ZSWIM9: variants seen among roughly 807,000 people sequenced by gnomAD.
ZSWIM9 encodes zinc finger SWIM-type containing 9.
A neutral mutation model predicts 25.0 loss-of-function variants in ZSWIM9; 11 were observed. The ratio of observed to expected loss-of-function variants is 0.44; its 90% CI spans 0.28 to 0.73. The LOEUF (loss-of-function observed/expected upper bound fraction) is 0.73. ZSWIM9 is among the 30% of genes least tolerant of loss of function. The pLI is 0.16. For synonymous variants in ZSWIM9, 562 were observed against 582.1 expected (o/e 0.97, Z 0.50); for missense variants, 1,070 against 1,296.5 (o/e 0.83, Z 2.68).
chr19:48,196,015 G>A lies in ZSWIM9; in HGVS notation c.1951G>A (p.Glu651Lys). The change falls in exon 4 of 4, where the codon GAA becomes AAA. Residue 651 changes from glutamate (E) to lysine (K), a missense_variant. By Grantham distance (56) the Glu-to-Lys change is moderately conservative. Coordinates refer to ENST00000614654, the MANE Select transcript of ZSWIM9 (RefSeq NM_199341.4). ...TGCAGAATGGAAGGGGCCACAGTCA[G>A]AAGTAGAGAAGGGGAGGGGGCTGGA... ...RTAEWKGPQS[E>K]VEKGRGLEVR... 1 of 1,274,758 alleles carries A rather than the reference G, an allele frequency of 7.8e-7. No individual in the cohort carries two copies. Among genetic ancestry groups the A allele is most frequent in the Non-Finnish European group, 9.9e-7 (1 of 1,012,858 alleles). The allele number at this position is 1,274,758 out of a possible 1,614,324, so 79.0% of individuals were successfully genotyped here.
At chr19:48,171,273 G>A in intron 1 of ZSWIM9, 1 of 985,366 alleles carries the variant, frequency 1.0e-6, no homozygotes, top group Non-Finnish European at 1.2e-6. Flanking sequence ...CCGGGTGAGG[G>A]GTCCGTGGCC....
chr19:48,192,498 T>TATATATATATATATACACACAC (rs369454865), intron 3 of ZSWIM9, among the ~76,000 whole-genome samples: 2 of 20,764 alleles, frequency 9.6e-5, no homozygotes, highest in Non-Finnish European at 1.0e-4. Context: ...TATATATATA[T>TATATATATATATATACACACAC]ACACACACAC....
chr19:48,182,864 T>G lies in ZSWIM9; in HGVS notation c.588+97T>G. 1.2e-6 allele frequency: 1 copy of G among 835,490 alleles called. No homozygotes were observed. Among genetic ancestry groups the G allele is most frequent in the South Asian group, 1.8e-5 (1 of 56,442 alleles). The allele number at this position is 835,490 out of a possible 1,614,324, so 51.8% of individuals were successfully genotyped here. ...ATGCCTTCATCCGCCCTCTCATCCC[T>G]TCACTCCTTTCCTCCATTCATCCGT... On this transcript the variant is annotated intron_variant, in intron 3 of 3. Coordinates refer to ENST00000614654, the MANE Select transcript of ZSWIM9 (RefSeq NM_199341.4). The surrounding 1 kb of genome is among the most constrained non-coding windows in gnomAD (Gnocchi z 4.6).
intron 2 of ZSWIM9, among the ~76,000 whole-genome samples, chr19:48,175,303 T>C (rs983146550): frequency 6.6e-6 from 1 of 151,822 alleles, no homozygotes; most frequent in African/African-American, 2.4e-5. Context: ...AGATGGTCTC[T>C]GAATGGGGAG....
rs2037181818 is a variant in ZSWIM9 at position 48,197,413 on chromosome 19, A to G, written c.*586A>G. The G allele has an allele frequency of 1.6e-6, 1 of 629,384 alleles. No individual in the cohort carries two copies. Among genetic ancestry groups the G allele is most frequent in the Non-Finnish European group, 2.8e-6 (1 of 352,528 alleles). The allele number at this position is 629,384 out of a possible 1,614,324, so 39.0% of individuals were successfully genotyped here. A position where few individuals can be genotyped will look rare whatever the true frequency, so the allele number is the denominator to read the frequency against. On this transcript the variant is annotated 3_prime_UTR_variant, in exon 4 of 4. Transcript: ENST00000614654. ...GGAGGGGGAAGAAAAATCGGAGATG[A>G]GACAAAAGAAATGTGTGGGAGACGG... is the stretch of plus-strand genomic sequence containing the variant.
Position 48,196,935 on chromosome 19 carries a change from C to T in ZSWIM9, c.*108C>T. The T allele has an allele frequency of 8.7e-7, 1 of 1,145,602 alleles. No individual in the cohort carries two copies. The highest frequency in any genetic ancestry group is 1.1e-6 in the Non-Finnish European group (1 of 896,028). 71.0% of individuals were successfully genotyped at this position (1,145,602 alleles called of 1,614,324 possible). On this transcript the variant is annotated 3_prime_UTR_variant, in exon 4 of 4. Transcript: ENST00000614654. ...AGGAGACCGTTGCAGTCCCCCTGGC[C>T]ACCTTCTGGGTCATCCAGGGACCTC...
rs1411196591 is a variant in ZSWIM9, at chr19:48,195,417, G to A, written c.1353G>A (p.Gly451=). The A allele has an allele frequency of 5.5e-6, 8 of 1,455,628 alleles. No individual in the cohort carries two copies. The highest frequency in any genetic ancestry group is 6.3e-6 in the Non-Finnish European group (7 of 1,113,246). The allele number at this position is 1,455,628 out of a possible 1,614,324, so 90.2% of individuals were successfully genotyped here. The part of the protein sequence containing the change: ...EAVPEGPDGG[G]PWLEDEPGRG... ...TGCCCGAGGGGCCCGATGGCGGGGGGCCTTGGCTGGAGGATGAGCCAGGGA... is the reference window on the plus strand; with the variant it reads ...TGCCCGAGGGGCCCGATGGCGGGGGACCTTGGCTGGAGGATGAGCCAGGGA... The change falls in exon 4 of 4, where the codon GGG becomes GGA. Residue 451 remains glycine, a synonymous_variant. Coordinates refer to ENST00000614654, the MANE Select transcript of ZSWIM9 (RefSeq NM_199341.4). The surrounding 1 kb of genome is among the most constrained non-coding windows in gnomAD (Gnocchi z 5.8).
In ZSWIM9 at chr19:48,182,634, A is replaced by G. The variant is rs772949193; in HGVS notation, c.455A>G (p.Asn152Ser). The change falls in exon 3 of 4, where the codon AAC (asparagine) becomes AGC (serine). Residue 152 changes from asparagine to serine, a missense_variant. Around this residue, in one of 4 missense-constraint regions of ZSWIM9, gnomAD observed 265 missense variants for 339.0 expected, o/e 0.78. Coordinates refer to ENST00000614654, the MANE Select transcript of ZSWIM9 (RefSeq NM_199341.4). The surrounding 1 kb of genome is among the most constrained non-coding windows in gnomAD (Gnocchi z 4.6). Reference protein sequence around the residue: ...ANACLPVRTTNKISKQFVAPA... With the variant: ...ANACLPVRTTSKISKQFVAPA... ...GCCTGCCTGCCGGTGCGCACCACCA[A>G]CAAGATCTCCAAGCAGTTCGTGGCC... 9 of 1,535,610 alleles carry G rather than the reference A, an allele frequency of 5.9e-6. No individual in the cohort carries two copies. Among genetic ancestry groups the G allele is most frequent in the African/African-American group, 1.4e-5 (1 of 72,996 alleles).
intron 3 of ZSWIM9, among the ~76,000 whole-genome samples, chr19:48,186,378 A>C (rs1300354517): frequency 1.3e-5 from 2 of 151,806 alleles, no homozygotes; most frequent in African/African-American, 2.4e-5. Context: ...TTGGCTCACT[A>C]TAACCTCCAC....
chr19:48,172,072 C>T lies in ZSWIM9; in HGVS notation c.270C>T (p.Ala90=), dbSNP rs935178436. The T allele has an allele frequency of 7.9e-7, 1 of 1,259,998 alleles. No individual in the cohort carries two copies. The highest frequency in any genetic ancestry group is 1.0e-6 in the Non-Finnish European group (1 of 971,032). The allele number at this position is 1,259,998 out of a possible 1,614,324, so 78.1% of individuals were successfully genotyped here. A position where few individuals can be genotyped will look rare whatever the true frequency, so the allele number is the denominator to read the frequency against. ...CKDVRAPSRP[A]VGPPQPGCPA... ...ACGTGCGTGCGCCCAGCCGGCCCGC[C>T]GTGGGGTGCGTGAACCTGAGCCGCT... Residue 90 remains alanine, a synonymous_variant, in exon 2 of 4, where the codon GCC becomes GCT. Coordinates refer to ENST00000614654, the MANE Select transcript of ZSWIM9 (RefSeq NM_199341.4).
At position 48,196,956 on chromosome 19, in the gene ZSWIM9, ACCT is replaced by A. The variant is rs2037174728; in HGVS notation, c.*134_*136del. On this transcript the variant is annotated 3_prime_UTR_variant, in exon 4 of 4. Transcript: ENST00000614654. ...TGGCCACCTTCTGGGTCATCCAGGG[ACCT>A]CCTCATGGCAGTTTGCCTCTCTGGG... The A allele has an allele frequency of 1.0e-6, 1 of 975,206 alleles. No individual in the cohort carries two copies. The highest frequency in any genetic ancestry group is 3.6e-5 in the South Asian group (1 of 27,894). 60.4% of individuals were successfully genotyped at this position (975,206 alleles called of 1,614,324 possible). A position where few individuals can be genotyped will look rare whatever the true frequency, so the allele number is the denominator to read the frequency against.
At position 48,196,415 on chromosome 19, in the gene ZSWIM9, C is replaced by G; in HGVS notation, c.2351C>G (p.Ala784Gly). Residue 784 changes from alanine to glycine, a missense_variant, in exon 4 of 4, where the codon GCG (alanine) becomes GGG (glycine). Ala to Gly is a moderately conservative substitution (Grantham distance 60). Around this residue, in one of 4 missense-constraint regions of ZSWIM9, gnomAD observed 583 missense variants for 624.7 expected, o/e 0.93. Coordinates refer to ENST00000614654, the MANE Select transcript of ZSWIM9 (RefSeq NM_199341.4). Reference sequence around the variant, plus strand: ...GAAGGCAGCCCAGAATGGGCAGCGGCGAGGAGTGAACACCTGGCTGCAGGT... The same window carrying G: ...GAAGGCAGCCCAGAATGGGCAGCGGGGAGGAGTGAACACCTGGCTGCAGGT... ...VLEGSPEWAA[A>G]RSEHLAAGDG... is the part of the protein sequence containing the mutation. 8.1e-7 allele frequency: 1 copy of G among 1,232,346 alleles called. No homozygotes were observed. The highest frequency in any genetic ancestry group is 1.6e-5 in the African/African-American group (1 of 64,460). 76.3% of individuals were successfully genotyped at this position (1,232,346 alleles called of 1,614,324 possible). A position where few individuals can be genotyped will look rare whatever the true frequency, so the allele number is the denominator to read the frequency against.
chr19:48,194,234 G>A lies in ZSWIM9; in HGVS notation c.589-419G>A, dbSNP rs1438873474. ...GAGTTTCAGACTCAGTGGGTCTGAGGTGGCCCCGAGAAGGTGCATTTCTGT... is the reference window on the plus strand; with the variant it reads ...GAGTTTCAGACTCAGTGGGTCTGAGATGGCCCCGAGAAGGTGCATTTCTGT... On this transcript the variant is annotated intron_variant, in intron 3 of 3. Transcript: ENST00000614654. The surrounding 1 kb of genome is among the most constrained non-coding windows in gnomAD (Gnocchi z 6.0). Among the ~76,000 whole-genome samples, 5 of 152,124 alleles carry A rather than the reference G, an allele frequency of 3.3e-5. No individual in the cohort carries two copies. Among genetic ancestry groups the A allele is most frequent in the African/African-American group, 1.2e-4 (5 of 41,414 alleles).
At chr19:48,186,144 G>A (rs2037008083) in intron 3 of ZSWIM9, among the ~76,000 whole-genome samples, 1 of 152,174 alleles carries the variant, frequency 6.6e-6, no homozygotes, top group South Asian at 2.1e-4. Flanking sequence ...TGTAGCTAGT[G>A]GCTTCTGGAT....
intron 3 of ZSWIM9, among the ~76,000 whole-genome samples, chr19:48,187,969 T>C (rs147142653): frequency 0.011 from 1,603 of 148,316 alleles, 33 homozygotes; most frequent in African/African-American, 0.04. Flanking sequence ...GATAGATAGA[T>C]AGATAGATAG....
Position 48,197,176 on chromosome 19 carries a change from G to A in ZSWIM9, c.*349G>A. 2 of 700,792 alleles carry A rather than the reference G, an allele frequency of 2.9e-6. No individual in the cohort carries two copies. Among genetic ancestry groups the A allele is most frequent in the Non-Finnish European group, 2.6e-6 (1 of 384,104 alleles). 43.4% of individuals were successfully genotyped at this position (700,792 alleles called of 1,614,324 possible). On this transcript the variant is annotated 3_prime_UTR_variant, in exon 4 of 4. Coordinates refer to ENST00000614654, the MANE Select transcript of ZSWIM9 (RefSeq NM_199341.4). The stretch of plus-strand genomic sequence containing the variant: ...GGGAGGGGGAGGAAGCGATCATATG[G>A]GGAGTGTCTGGCAAGAGTAGACTGG...
chr19:48,176,073 G>A (rs1393153336), intron 2 of ZSWIM9, among the ~76,000 whole-genome samples: 2 of 152,170 alleles, frequency 1.3e-5, no homozygotes, highest in African/African-American at 4.8e-5. Flanking sequence ...GGGCCTGGTG[G>A]CAGGTGCCTG....
rs1406278155 is a variant in ZSWIM9, at chr19:48,196,674, C to T, written c.2610C>T (p.Phe870=). The T allele has an allele frequency of 4.1e-6, 5 of 1,232,696 alleles. No individual in the cohort carries two copies. The highest frequency in any genetic ancestry group is 5.1e-6 in the Non-Finnish European group (5 of 988,496). 76.4% of individuals were successfully genotyped at this position (1,232,696 alleles called of 1,614,324 possible). The part of the protein sequence containing the change: ...FALKDGTSDF[F]LDGALTRCSC... The stretch of plus-strand genomic sequence containing the variant: ...TTAAGGACGGCACCTCGGACTTCTT[C>T]CTGGATGGGGCCCTGACACGCTGCA... Residue 870 remains phenylalanine, a synonymous_variant, in exon 4 of 4, where the codon TTC becomes TTT. Coordinates refer to ENST00000614654, the MANE Select transcript of ZSWIM9 (RefSeq NM_199341.4).
chr19:48,188,193 T>TG (rs2037053726), intron 3 of ZSWIM9, among the ~76,000 whole-genome samples: 1 of 151,416 alleles, frequency 6.6e-6, no homozygotes, highest in East Asian at 1.9e-4. Context: ...AGGGCAAGAC[T>TG]GGGGGGCGAC....
Sources: allele counts gnomAD v4.1 joint callset (sites outside exome capture counted in the v4.1 genomes callset), GRCh38; gene constraint gnomAD v4.1.1; regional missense constraint gnomAD v4.1.1; non-coding constraint Gnocchi (gnomAD v3.1); transcripts MANE v1.5; gene names NCBI Gene and HGNC (gene_info 2026-07-23, HGNC 2026-07-21).